KCND3: variants seen among roughly 807,000 people sequenced by gnomAD.
The protein encoded by KCND3 is potassium voltage-gated channel subfamily D member 3.
KCND3 carries 9 observed loss-of-function variants against 51.1 expected under a neutral mutation model. The ratio of observed to expected loss-of-function variants is 0.18; its 90% CI spans 0.11 to 0.31. The LOEUF is 0.31. Ranked by LOEUF, KCND3 falls within the 10% of genes least tolerant of loss-of-function variation. The probability of loss-of-function intolerance (pLI) is 1.00; values close to 1 mark genes in which losing one functional copy is unlikely to be tolerated. For synonymous variants in KCND3, 349 were observed against 368.0 expected, an observed-to-expected ratio of 0.95 and a Z score of 0.59; for missense variants, 526 against 903.8, an observed-to-expected ratio of 0.58 and a Z score of 5.36.
intron 3 of KCND3, among the ~76,000 whole-genome samples, chr1:111,784,362 G>T (rs771471542): frequency 6.6e-6 from 1 of 151,980 alleles, no homozygotes; most frequent in South Asian, 2.1e-4. Context: ...AAGAATATGG[G>T]TATGCACCAG....
At chr1:111,851,407 T>A (rs1667810433) in intron 2 of KCND3, among the ~76,000 whole-genome samples, 2 of 152,332 alleles carry the variant, frequency 1.3e-5, no homozygotes, top group South Asian at 4.1e-4. Flanking sequence ...CCTTAAGGAC[T>A]GTTCATCTTC....
chr1:111,786,230 T>C (rs1270306033), intron 3 of KCND3, among the ~76,000 whole-genome samples: 2 of 152,246 alleles, frequency 1.3e-5, no homozygotes, highest in Non-Finnish European at 2.9e-5. Context: ...TGAGTTGTTC[T>C]AGAAACAAGA....
At chr1:111,776,425 T>C in intron 7 of KCND3, 147 bp from the exon 8 acceptor site, 2 of 802,412 alleles carry the variant, frequency 2.5e-6, no homozygotes, top group South Asian at 2.9e-5. Flanking sequence ...CTTGTAATTA[T>C]CCATTCTAAT....
chr1:111,801,373 G>C (rs1004793776), intron 2 of KCND3, among the ~76,000 whole-genome samples: 1 of 152,226 alleles, frequency 6.6e-6, no homozygotes, highest in Admixed American at 6.5e-5. Flanking sequence ...AGTCCACAGA[G>C]GTGACAGGGA....
rs960477782 is a variant in KCND3, at chr1:111,780,020, T to TG, written c.1461+204dup. 6.6e-6 allele frequency among the ~76,000 whole-genome samples: 1 copy of TG among 152,224 alleles called. No homozygotes were observed. Among genetic ancestry groups the TG allele is most frequent in the African/African-American group, 2.4e-5 (1 of 41,458 alleles). On this transcript the variant is annotated intron_variant, in intron 5 of 7. Transcript: ENST00000302127. This position sits in a 1 kb window ranked among gnomAD's most constrained non-coding sequence, Gnocchi z 4.2. Reference sequence around the variant, plus strand: ...GGGGGAATGGCCTCCTCAATGCTCCTGCAGGACAGAGCTGGTCTCCCACCC... The same window carrying TG: ...GGGGGAATGGCCTCCTCAATGCTCCTGGCAGGACAGAGCTGGTCTCCCACCC...
intron 2 of KCND3, among the ~76,000 whole-genome samples, chr1:111,970,551 C>T (rs1255301321): frequency 6.6e-6 from 1 of 152,226 alleles, no homozygotes; most frequent in African/African-American, 2.4e-5. Context: ...TCTCCTCACA[C>T]TTTCCTGTCC....
intron 2 of KCND3, among the ~76,000 whole-genome samples, chr1:111,938,185 C>T (rs1182582680): frequency 6.6e-6 from 1 of 152,178 alleles, no homozygotes; most frequent in Non-Finnish European, 1.5e-5. Context: ...TTCCATTTTA[C>T]AGACAGTGAC....
At chr1:111,838,067 C>A (rs1486374501) in intron 2 of KCND3, among the ~76,000 whole-genome samples, 1 of 152,152 alleles carries the variant, frequency 6.6e-6, no homozygotes, top group African/African-American at 2.4e-5. Flanking sequence ...TGCCAGGCTT[C>A]TCCACTGTCA....
At chr1:111,895,552 G>A (rs760955957) in intron 2 of KCND3, among the ~76,000 whole-genome samples, 1 of 152,204 alleles carries the variant, frequency 6.6e-6, no homozygotes, top group African/African-American at 2.4e-5. Flanking sequence ...TCATTTTCTC[G>A]TCCCCGGGGA....
At chr1:111,924,357 AT>A (rs1334314267) in intron 2 of KCND3, among the ~76,000 whole-genome samples, 7 of 152,308 alleles carry the variant, frequency 4.6e-5, no homozygotes, top group Admixed American at 4.6e-4. Flanking sequence ...ACCACAGGAG[AT>A]TCTGGAGAAC....
intron 2 of KCND3, among the ~76,000 whole-genome samples, chr1:111,824,609 T>C (rs1248177956): frequency 1.3e-5 from 2 of 152,174 alleles, no homozygotes; most frequent in Admixed American, 1.3e-4. Context: ...AACATAGAAA[T>C]GGACCCTCTT....
At chr1:111,850,904 G>T (rs562482592) in intron 2 of KCND3, among the ~76,000 whole-genome samples, 2 of 152,296 alleles carry the variant, frequency 1.3e-5, no homozygotes, top group African/African-American at 4.8e-5. Context: ...CCCGTGTGGG[G>T]TTTACTCTCT....
chr1:111,838,453 C>T (rs558878461), intron 2 of KCND3, among the ~76,000 whole-genome samples: 3 of 152,208 alleles, frequency 2.0e-5, no homozygotes, highest in Admixed American at 6.5e-5. Flanking sequence ...GTCAGGAGTT[C>T]GAGACCAGCC....
chr1:111,819,351 A>G (rs1435039915), intron 2 of KCND3, among the ~76,000 whole-genome samples: 1 of 151,938 alleles, frequency 6.6e-6, no homozygotes, highest in Non-Finnish European at 1.5e-5. Flanking sequence ...GTACAGCATC[A>G]CTGGAATTCA....
intron 2 of KCND3, among the ~76,000 whole-genome samples, chr1:111,897,148 G>T (rs7539683): frequency 0.24 from 35,822 of 152,188 alleles, 4,506 homozygotes; most frequent in East Asian, 0.38. Context: ...CTACAGCGCT[G>T]GCCCTGCCCA....
intron 2 of KCND3, among the ~76,000 whole-genome samples, chr1:111,795,540 G>A (rs940682589): frequency 5.9e-5 from 9 of 152,160 alleles, no homozygotes; most frequent in African/African-American, 1.9e-4. Flanking sequence ...CAAGATCATC[G>A]GCTCATTCAA....
chr1:111,902,168 A>C (rs557577093), intron 2 of KCND3, among the ~76,000 whole-genome samples: 4 of 152,336 alleles, frequency 2.6e-5, no homozygotes, highest in Admixed American at 6.5e-5. Context: ...CGGGGCTCAA[A>C]TGACCAGTGA....
chr1:111,812,385 G>C (rs2101576641), intron 2 of KCND3, among the ~76,000 whole-genome samples: 1 of 152,324 alleles, frequency 6.6e-6, no homozygotes, highest in East Asian at 1.9e-4. Context: ...CAAACATAGA[G>C]CAGTGGTAGG....
intron 2 of KCND3, among the ~76,000 whole-genome samples, chr1:111,929,032 T>C (rs1320141180): frequency 6.6e-6 from 1 of 152,260 alleles, no homozygotes; most frequent in Non-Finnish European, 1.5e-5. Flanking sequence ...CAGTTTTTCC[T>C]GGGGATTTTT....
Sources: allele counts gnomAD v4.1 joint callset (sites outside exome capture counted in the v4.1 genomes callset), GRCh38; gene constraint gnomAD v4.1.1; non-coding constraint Gnocchi (gnomAD v3.1); transcripts MANE v1.5; gene names NCBI Gene and HGNC (gene_info 2026-07-23, HGNC 2026-07-21).